TP63: variants seen among roughly 807,000 people sequenced by gnomAD.
TP63 encodes the protein tumor protein 63.
In TP63, 17 loss-of-function variants were observed where a neutral mutation model predicts 82.8. That is an observed-to-expected ratio of 0.21 (90% CI 0.14 to 0.31). TP63 has a LOEUF of 0.31. Among genes scored for constraint, TP63 ranks in the 10% least tolerant of loss-of-function variants. TP63 has a pLI of 1.00. For missense variants in TP63, 648 were observed against 895.3 expected (o/e 0.72, Z 3.52); for synonymous variants, 330 against 321.7 (o/e 1.03, Z -0.28).
intron 1 of TP63, among the ~76,000 whole-genome samples, chr3:189,655,833 T>C (rs918360898): frequency 6.6e-6 from 1 of 152,132 alleles, no homozygotes; most frequent in Admixed American, 6.5e-5. Context: ...TTTTCTGTCA[T>C]TAACCCATCA....
At chr3:189,820,285 C>G (rs1021410906) in intron 4 of TP63, among the ~76,000 whole-genome samples, 1 of 152,196 alleles carries the variant, frequency 6.6e-6, no homozygotes, top group African/African-American at 2.4e-5. Context: ...TTCTTGCAGT[C>G]TGGTTTTCTC....
intron 7 of TP63, 131 bp from the exon 8 acceptor site, chr3:189,868,449 T>C: frequency 7.2e-7 from 1 of 1,393,662 alleles, no homozygotes; most frequent in Non-Finnish European, 9.8e-7. Context: ...GGGTCCATTC[T>C]CAAAGCCGCC....
chr3:189,649,450 C>G (rs1463768340), intron 1 of TP63, among the ~76,000 whole-genome samples: 6 of 146,296 alleles, frequency 4.1e-5, no homozygotes, highest in Non-Finnish European at 8.9e-5. Context: ...GAAATGGAAA[C>G]AACAGACACT....
intron 3 of TP63, among the ~76,000 whole-genome samples, chr3:189,745,007 T>C (rs1433533867): frequency 6.6e-6 from 1 of 152,218 alleles, no homozygotes; most frequent in African/African-American, 2.4e-5. Flanking sequence ...ACACCGCTGA[T>C]GCTGTTTACA....
chr3:189,632,709 A>G (rs1050907180), intron 1 of TP63, among the ~76,000 whole-genome samples: 2 of 152,252 alleles, frequency 1.3e-5, no homozygotes, highest in Admixed American at 6.6e-5. Flanking sequence ...TGGTGGCTTG[A>G]TTCGTGTCTT....
At chr3:189,730,940 T>C (rs527333483) in intron 1 of TP63, among the ~76,000 whole-genome samples, 6 of 152,246 alleles carry the variant, frequency 3.9e-5, no homozygotes, top group Non-Finnish European at 8.8e-5. Context: ...TAAGTTTGCA[T>C]GCTCCAATGG....
intron 3 of TP63, among the ~76,000 whole-genome samples, chr3:189,798,016 C>A (rs752987387): frequency 6.6e-6 from 1 of 151,964 alleles, no homozygotes; most frequent in Non-Finnish European, 1.5e-5. Context: ...TACACCAGAT[C>A]CTTCCTCCCT....
intron 3 of TP63, among the ~76,000 whole-genome samples, chr3:189,747,046 G>C (rs890843770): frequency 1.3e-5 from 2 of 151,298 alleles, no homozygotes; most frequent in African/African-American, 2.4e-5. Flanking sequence ...TTTAGCAAGG[G>C]GATATAACAA....
intron 4 of TP63, among the ~76,000 whole-genome samples, chr3:189,813,673 AC>A (rs753420873): frequency 5.8e-4 from 88 of 151,718 alleles, no homozygotes; most frequent in Non-Finnish European, 1.2e-3. Flanking sequence ...ACATAGGATC[AC>A]TTTTTGCTGT....
chr3:189,621,305 T>C, the TP63 span, among the ~76,000 whole-genome samples: 1 of 152,174 alleles, frequency 6.6e-6, no homozygotes. Context: ...CTGCATAGAT[T>C]GCTTTGCTTC....
At chr3:189,627,405 G>T (rs1055002274), upstream of TP63, among the ~76,000 whole-genome samples, 22 of 152,068 alleles carry the variant, frequency 1.4e-4, no homozygotes, top group African/African-American at 5.3e-4. Flanking sequence ...CAGAAACCAT[G>T]GCATCAATGA....
intron 4 of TP63, among the ~76,000 whole-genome samples, chr3:189,813,782 A>C (rs1727852117): frequency 6.6e-6 from 1 of 152,132 alleles, no homozygotes; most frequent in Admixed American, 6.5e-5. Flanking sequence ...CCTTTAATAA[A>C]TGGGAAGGAA....
At chr3:189,644,252 C>T (rs1361403540) in intron 1 of TP63, among the ~76,000 whole-genome samples, 1 of 151,612 alleles carries the variant, frequency 6.6e-6, no homozygotes, top group Non-Finnish European at 1.5e-5. Flanking sequence ...TCCCCTCTCT[C>T]ATACCCCCAG....
intron 1 of TP63, among the ~76,000 whole-genome samples, chr3:189,633,296 G>C (rs1159053304): frequency 6.6e-6 from 1 of 151,804 alleles, no homozygotes; most frequent in African/African-American, 2.4e-5. Flanking sequence ...TTGTGTCATG[G>C]GGGTTTGTTG....
intron 1 of TP63, among the ~76,000 whole-genome samples, chr3:189,642,011 C>T (rs1051970432): frequency 3.9e-5 from 6 of 152,146 alleles, no homozygotes; most frequent in Non-Finnish European, 8.8e-5. Flanking sequence ...TTACTGCTTC[C>T]CCCACAACAT....
chr3:189,761,134 G>A (rs1344135789), intron 3 of TP63, among the ~76,000 whole-genome samples: 2 of 152,160 alleles, frequency 1.3e-5, no homozygotes, highest in African/African-American at 4.8e-5. Context: ...ACATTCCCTG[G>A]AAACATTTTC....
chr3:189,609,192 A>C, the TP63 span, among the ~76,000 whole-genome samples: 2 of 152,126 alleles, frequency 1.3e-5, no homozygotes, highest in African/African-American at 4.8e-5. Flanking sequence ...CCTTTTAGAC[A>C]TCTTTCCATG....
intron 4 of TP63, among the ~76,000 whole-genome samples, chr3:189,815,009 T>TA (rs1728011508): frequency 6.6e-6 from 1 of 151,608 alleles, no homozygotes; most frequent in Non-Finnish European, 1.5e-5. Flanking sequence ...CTACAAAGAG[T>TA]AACAGCAAAA....
At chr3:189,617,630 T>C in the TP63 span, among the ~76,000 whole-genome samples, 4 of 152,172 alleles carry the variant, frequency 2.6e-5, no homozygotes, top group Non-Finnish European at 5.9e-5. Context: ...TCAACATTCT[T>C]TGGCTGTTTA....
Sources: gnomAD v4.1 joint callset for allele counts (sites outside exome capture counted in the v4.1 genomes callset) on GRCh38, gnomAD v4.1.1 for gene constraint, MANE v1.5 for transcripts, NCBI Gene and HGNC (gene_info 2026-07-23, HGNC 2026-07-21) for gene names.